Variants in ARMC7 observed in about 807,000 individuals in gnomAD.
The protein encoded by ARMC7 is armadillo repeat-containing protein 7.
In ARMC7, 9 loss-of-function variants were observed where a neutral mutation model predicts 14.8. That is an observed-to-expected ratio of 0.61 (90% CI 0.37 to 1.06). The LOEUF is 1.06. Among genes scored for constraint, ARMC7 ranks in the 50% least tolerant of loss-of-function variants. The pLI is 0.01. For synonymous variants in ARMC7, 125 were observed against 123.4 expected, an observed-to-expected ratio of 1.01 and a Z score of -0.09; for missense variants, 262 against 267.1, an observed-to-expected ratio of 0.98 and a Z score of 0.13.
intron 2 of ARMC7, chr17:75,114,025 C>G: frequency 2.5e-6 from 1 of 395,476 alleles, no homozygotes; most frequent in African/African-American, 2.1e-5. Flanking sequence ...CTGCTAAAGC[C>G]AAGCCAGGGC....
At chr17:75,120,988 C>T (rs1188376625) in intron 2 of ARMC7, among the ~76,000 whole-genome samples, 1 of 152,116 alleles carries the variant, frequency 6.6e-6, no homozygotes, top group Non-Finnish European at 1.5e-5. Flanking sequence ...CAGTATCTCC[C>T]ACTCCAAGGC....
chr17:75,128,140 T>C (rs1224497011), intron 2 of ARMC7, among the ~76,000 whole-genome samples: 1 of 152,088 alleles, frequency 6.6e-6, no homozygotes, highest in Non-Finnish European at 1.5e-5. Context: ...AGTGATGCAA[T>C]CTCGGCTCAC....
intron 2 of ARMC7, among the ~76,000 whole-genome samples, chr17:75,115,495 G>A (rs992612717): frequency 6.6e-6 from 1 of 151,752 alleles, no homozygotes; most frequent in Non-Finnish European, 1.5e-5. Flanking sequence ...CCAAGATCAC[G>A]CCACTGCACT....
chr17:75,112,244 C>T (rs1440069524), intron 2 of ARMC7, among the ~76,000 whole-genome samples: 2 of 152,054 alleles, frequency 1.3e-5, no homozygotes, highest in South Asian at 2.1e-4. Context: ...AGATCTAGGC[C>T]GTGGGAAATA....
rs1454335269 is a variant in ARMC7, at chr17:75,110,322, G to A, written c.34G>A (p.Gly12Arg). ...GAAGCCGAAGGTGGACCCCCACGTCGGGCGGCTGGGATACCTGCAGGCGCT... is the reference window on the plus strand; with the variant it reads ...GAAGCCGAAGGTGGACCCCCACGTCAGGCGGCTGGGATACCTGCAGGCGCT... The part of the protein sequence containing the change: ...AQKPKVDPHV[G>R]RLGYLQALVT... Residue 12 changes from glycine (G) to arginine (R), a missense_variant, in exon 1 of 3, where the codon GGG (glycine) becomes AGG (arginine). Gly to Arg is a moderately radical substitution (Grantham distance 125, BLOSUM62 -2). Coordinates refer to ENST00000245543, the MANE Select transcript of ARMC7 (RefSeq NM_024585.4). 8 of 1,613,428 alleles carry A rather than the reference G, an allele frequency of 5.0e-6. No homozygotes were observed. The Admixed American group carries it at 8.3e-5, about 17-fold the overall frequency.
At chr17:75,113,180 C>T (rs905129984) in intron 2 of ARMC7, among the ~76,000 whole-genome samples, 106 of 151,264 alleles carry the variant, frequency 7.0e-4, no homozygotes, top group Middle Eastern at 6.9e-3. Flanking sequence ...CCCGCCACCA[C>T]GCCCGGCTAA....
At chr17:75,113,499 C>CA (rs1555647667) in intron 2 of ARMC7, among the ~76,000 whole-genome samples, 4 of 150,676 alleles carry the variant, frequency 2.7e-5, no homozygotes, top group East Asian at 2.0e-4. Flanking sequence ...GGATTACAGG[C>CA]GCCCCCCCAC....
At chr17:75,112,726 C>T (rs1353939666) in intron 2 of ARMC7, among the ~76,000 whole-genome samples, 1 of 149,026 alleles carries the variant, frequency 6.7e-6, no homozygotes, top group Admixed American at 6.8e-5. Flanking sequence ...CAGGTGTGCA[C>T]CACCATGCCC....
At chr17:75,121,487 T>C (rs2100957) in intron 2 of ARMC7, among the ~76,000 whole-genome samples, 9,059 of 152,202 alleles carry the variant, frequency 0.06, 737 homozygotes, top group African/African-American at 0.18. Flanking sequence ...AATCTCGTCT[T>C]GCTGCAACCT....
intron 2 of ARMC7, among the ~76,000 whole-genome samples, chr17:75,115,166 G>C (rs1568015355): frequency 6.6e-6 from 1 of 152,130 alleles, no homozygotes; most frequent in Non-Finnish European, 1.5e-5. Flanking sequence ...CCATGACTTG[G>C]TGCAACACCC....
rs760590004 is a variant in ARMC7, at chr17:75,110,294, C to T, written c.6C>T (p.Ala2=). 33 of 1,611,100 alleles carry T rather than the reference C, an allele frequency of 2.0e-5. No homozygotes were observed. The highest frequency in any genetic ancestry group is 2.7e-5 in the African/African-American group (2 of 74,852). M[A]QKPKVDPHVG... ...GGTCCTCCGTCACCGCGGCCATGGC[C>T]CAGAAGCCGAAGGTGGACCCCCACG... Residue 2 remains alanine (A), a synonymous_variant, in exon 1 of 3, where the codon GCC becomes GCT. Transcript: ENST00000245543.
intron 2 of ARMC7, among the ~76,000 whole-genome samples, chr17:75,125,857 G>C (rs1415773781): frequency 1.3e-5 from 2 of 152,012 alleles, no homozygotes; most frequent in Non-Finnish European, 2.9e-5. Context: ...AATAAAAAAG[G>C]TTCCCTCAAA....
rs1568016813 is a variant in ARMC7, at chr17:75,119,451, TTC to T, written c.235+8847_235+8848del. On this transcript the variant is annotated intron_variant, in intron 2 of 2. Transcript: ENST00000245543. The stretch of plus-strand genomic sequence containing the variant: ...TGAAAATACCCTGTGATACAGTTTT[TTC>T]TTTTTTTTTTTTTGAGACGGAGTTT... Among the ~76,000 whole-genome samples, 10 of 142,400 alleles carry T rather than the reference TTC, an allele frequency of 7.0e-5. 4 individuals are homozygous for T. The highest frequency in any genetic ancestry group is 1.4e-4 in the Non-Finnish European group (9 of 66,356). The allele number at this position is 142,400 out of a possible 152,430, so 93.4% of individuals were successfully genotyped here. A position where few individuals can be genotyped will look rare whatever the true frequency, so the allele number is the denominator to read the frequency against.
Position 75,129,140 on chromosome 17 carries a change from T to C in ARMC7, c.*102T>C. The C allele has an allele frequency of 6.9e-7, 1 of 1,442,894 alleles. No individual in the cohort carries two copies. The highest frequency in any genetic ancestry group is 9.2e-7 in the Non-Finnish European group (1 of 1,089,706). The allele number at this position is 1,442,894 out of a possible 1,614,324, so 89.4% of individuals were successfully genotyped here. Reference sequence around the variant, plus strand: ...CACATACTGCCCCATTGGTGCCTTTTCAGCCATCTGAAAGGCGGGTTCTTT... The same window carrying C: ...CACATACTGCCCCATTGGTGCCTTTCCAGCCATCTGAAAGGCGGGTTCTTT... On this transcript the variant is annotated 3_prime_UTR_variant, in exon 3 of 3. Transcript: ENST00000245543.
intron 2 of ARMC7, among the ~76,000 whole-genome samples, chr17:75,126,889 C>T (rs982516461): frequency 1.3e-5 from 2 of 151,844 alleles, no homozygotes; most frequent in Non-Finnish European, 2.9e-5. Flanking sequence ...GGTGAAACCC[C>T]GTCTCTACTA....
Position 75,130,177 on chromosome 17 carries a change from C to T in ARMC7, c.*1139C>T, listed in dbSNP as rs1277182895. The T allele has an allele frequency of 3.1e-6, 1 of 318,286 alleles. No individual in the cohort carries two copies. The highest frequency in any genetic ancestry group is 5.9e-6 in the Non-Finnish European group (1 of 168,638). 19.7% of individuals were successfully genotyped at this position (318,286 alleles called of 1,614,324 possible). A position where few individuals can be genotyped will look rare whatever the true frequency, so the allele number is the denominator to read the frequency against. On this transcript the variant is annotated 3_prime_UTR_variant, in exon 3 of 3. Transcript: ENST00000245543. The stretch of plus-strand genomic sequence containing the variant: ...GGGGAGGGAAGGGCTCATCAGCACC[C>T]GCTCAGGGAGCCTGTCCCTTTATGT...
At position 75,129,275 on chromosome 17, in the gene ARMC7, A is replaced by G; in HGVS notation, c.*237A>G. 1.3e-5 allele frequency: 8 copies of G among 599,272 alleles called. No individual in the cohort carries two copies. Among genetic ancestry groups the G allele is most frequent in the Non-Finnish European group, 2.0e-5 (7 of 354,248 alleles). The allele number at this position is 599,272 out of a possible 1,614,324, so 37.1% of individuals were successfully genotyped here. A position where few individuals can be genotyped will look rare whatever the true frequency, so the allele number is the denominator to read the frequency against. On this transcript the variant is annotated 3_prime_UTR_variant, in exon 3 of 3. Transcript: ENST00000245543. ...GCTGCGTTCATAGGCTGGCACTCTC[A>G]ATCCTACATCAGGTGCCACCACCAC...
chr17:75,115,385 C>T (rs948886251), intron 2 of ARMC7, among the ~76,000 whole-genome samples: 1 of 152,088 alleles, frequency 6.6e-6, no homozygotes, highest in Non-Finnish European at 1.5e-5. Flanking sequence ...ACTAAAAATA[C>T]AAAAATTAGT....
chr17:75,123,693 ATG>A (rs1323376913), intron 2 of ARMC7, among the ~76,000 whole-genome samples: 2 of 152,112 alleles, frequency 1.3e-5, no homozygotes, highest in African/African-American at 4.8e-5. Context: ...AGGCCAAGGC[ATG>A]AGGTTAGGAG....
Sources: gnomAD v4.1 joint callset for allele counts (sites outside exome capture counted in the v4.1 genomes callset) on GRCh38, gnomAD v4.1.1 for gene constraint, MANE v1.5 for transcripts, NCBI Gene and HGNC (gene_info 2026-07-23, HGNC 2026-07-21) for gene names.